AHCYL1: variants seen among roughly 807,000 people sequenced by gnomAD.
The protein encoded by AHCYL1 is adenosylhomocysteinase like 1.
AHCYL1 carries 20 observed loss-of-function variants against 79.3 expected under a neutral mutation model. The ratio of observed to expected loss-of-function variants is 0.25; its 90% confidence interval spans 0.18 to 0.37. The LOEUF is 0.37. AHCYL1 is among the 10% of genes least tolerant of loss of function. The pLI is 1.00. For missense variants in AHCYL1, 330 were observed against 673.6 expected (o/e 0.49, Z 5.65); for synonymous variants, 223 against 242.2 (o/e 0.92, Z 0.74).
At chr1:110,000,151 TC>T (rs1650231242) in intron 1 of AHCYL1, among the ~76,000 whole-genome samples, 2 of 152,224 alleles carry the variant, frequency 1.3e-5, no homozygotes. Flanking sequence ...TGGTAACTTC[TC>T]ATGAAATAAC....
Position 110,012,918 on chromosome 1 carries a change from G to A in AHCYL1, c.499G>A (p.Ala167Thr). Residue 167 changes from alanine to threonine, a missense_variant, in exon 5 of 17, where the codon GCC becomes ACC. Ala to Thr is a moderately conservative substitution (Grantham distance 58). Around this residue, in one of 6 missense-constraint regions of AHCYL1, gnomAD observed 97 missense variants for 176.3 expected, o/e 0.55. Transcript: ENST00000369799. ...QTAVLIETLC[A>T]LGAQCRWSAC... The stretch of plus-strand genomic sequence containing the variant: ...ACAGGTGTTGATTGAGACACTCTGT[G>A]CCCTGGGGGCTCAGTGCCGCTGGTC... 4 of 1,612,476 alleles carry A rather than the reference G, an allele frequency of 2.5e-6. No homozygotes were observed. Among genetic ancestry groups the A allele is most frequent in the Non-Finnish European group, 2.5e-6 (3 of 1,179,686 alleles).
Position 109,984,858 on chromosome 1 carries a change from T to A in AHCYL1, c.-195T>A. On this transcript the variant is annotated 5_prime_UTR_variant, in exon 1 of 17. Transcript: ENST00000369799. ...CTGGTTCTCTTGTGGCCGCCGTCGCTGTCCGGCTGCCTTGGGCTGCCGAAC... is the reference window on the plus strand; with the variant it reads ...CTGGTTCTCTTGTGGCCGCCGTCGCAGTCCGGCTGCCTTGGGCTGCCGAAC... 1 of 852,128 alleles carries A rather than the reference T, an allele frequency of 1.2e-6. No individual in the cohort carries two copies. The highest frequency in any genetic ancestry group is 1.6e-6 in the Non-Finnish European group (1 of 641,044). 52.8% of individuals were successfully genotyped at this position (852,128 alleles called of 1,614,324 possible).
intron 1 of AHCYL1, among the ~76,000 whole-genome samples, chr1:109,998,121 G>A (rs1346575215): frequency 6.6e-6 from 1 of 152,170 alleles, no homozygotes; most frequent in African/African-American, 2.4e-5. Context: ...TAAAGCTGAG[G>A]CTGCCTAAGC....
chr1:110,007,864 G>A (rs990989003), intron 1 of AHCYL1, among the ~76,000 whole-genome samples: 2 of 152,014 alleles, frequency 1.3e-5, no homozygotes, highest in Non-Finnish European at 1.5e-5. Context: ...ACAGGAGTTC[G>A]GGAGGAAGGT....
chr1:110,004,764 G>A (rs988545248), intron 1 of AHCYL1, among the ~76,000 whole-genome samples: 1 of 152,024 alleles, frequency 6.6e-6, no homozygotes, highest in Non-Finnish European at 1.5e-5. Flanking sequence ...GAGAGAGAAC[G>A]TAAGGAAGTA....
At position 110,022,591 on chromosome 1, in the gene AHCYL1, A is replaced by G. The variant is rs148507455; in HGVS notation, c.*911A>G. On this transcript the variant is annotated 3_prime_UTR_variant, in exon 17 of 17. Coordinates refer to ENST00000369799, the MANE Select transcript of AHCYL1 (RefSeq NM_006621.7). The stretch of plus-strand genomic sequence containing the variant: ...AACTGGAGCCACAACAGCAAATTCT[A>G]TCAGCTGTGTACCATACAGCTTGTG... 2.8e-4 allele frequency: 43 copies of G among 152,758 alleles called. No homozygotes were observed. The highest frequency in any genetic ancestry group is 9.4e-4 in the African/African-American group (39 of 41,568). 9.5% of individuals were successfully genotyped at this position (152,758 alleles called of 1,614,324 possible).
rs147132868 is a variant in AHCYL1 at position 109,999,892 on chromosome 1, C to G, written c.121-9142C>G. On this transcript the variant is annotated intron_variant, in intron 1 of 16. Transcript: ENST00000369799. ...AGCCACTGCACCTGGCCAAATATAA[C>G]TCTTTTTCTGTTGGTGGAATTCAGC... is the stretch of plus-strand genomic sequence containing the variant. Among the ~76,000 whole-genome samples the G allele has an allele frequency of 7.1e-3, 1,084 of 152,258 alleles. 10 individuals are homozygous for G. The highest frequency in any genetic ancestry group is 0.016 in the African/African-American group (658 of 41,528).
rs556563536 is a variant in AHCYL1, at chr1:110,003,394, G to A, written c.121-5640G>A. Among the ~76,000 whole-genome samples the A allele has an allele frequency of 1.6e-4, 24 of 152,264 alleles. 1 individual carries two copies. The highest frequency in any genetic ancestry group is 5.5e-4 in the African/African-American group (23 of 41,552). On this transcript the variant is annotated intron_variant, in intron 1 of 16. Coordinates refer to ENST00000369799, the MANE Select transcript of AHCYL1 (RefSeq NM_006621.7). ...ATGGAAAACGGAAAGATTTATTCTA[G>A]GTGGAGAGTACAGGTGTTTATTATA...
intron 1 of AHCYL1, among the ~76,000 whole-genome samples, chr1:109,991,476 C>T (rs150537562): frequency 2.0e-5 from 3 of 152,276 alleles, no homozygotes; most frequent in African/African-American, 7.2e-5. Context: ...AGCCTGTACT[C>T]AGTTGTGTGA....
rs1172357954 is a variant in AHCYL1 at position 109,990,501 on chromosome 1, A to G, written c.120+5329A>G. Among the ~76,000 whole-genome samples the G allele has an allele frequency of 2.0e-5, 3 of 152,246 alleles. No individual in the cohort carries two copies. The East Asian group carries it at 5.8e-4, about 29-fold the overall frequency. ...ATAACTCTCTGGATGATGCAACATG[A>G]TAGTGCAAATGAGAGCCTAATTTTG... On this transcript the variant is annotated intron_variant, in intron 1 of 16. Coordinates refer to ENST00000369799, the MANE Select transcript of AHCYL1 (RefSeq NM_006621.7).
Position 109,985,166 on chromosome 1 carries a change from C to T in AHCYL1, c.114C>T (p.Pro38=). The T allele has an allele frequency of 1.2e-6, 2 of 1,607,840 alleles. No individual in the cohort carries two copies. Among genetic ancestry groups the T allele is most frequent in the South Asian group, 2.2e-5 (2 of 90,232 alleles). ...TCATGGCCACCGTCACCAAGGCGCC[C>T]AAGAAGGTGCGGGGGCTCTGGGTGG... ...YSFMATVTKA[P]KKQIQFADDM... is the part of the protein sequence containing the mutation. Residue 38 remains proline, a synonymous_variant, in exon 1 of 17, where the codon CCC becomes CCT. Coordinates refer to ENST00000369799, the MANE Select transcript of AHCYL1 (RefSeq NM_006621.7).
chr1:110,008,074 G>A (rs1315829422), intron 1 of AHCYL1, among the ~76,000 whole-genome samples: 2 of 135,838 alleles, frequency 1.5e-5, no homozygotes, highest in Admixed American at 1.6e-4. Context: ...CCAGGCTGGA[G>A]TGCAGTGGCA....
intron 1 of AHCYL1, among the ~76,000 whole-genome samples, chr1:110,008,245 C>T (rs1650792474): frequency 6.6e-6 from 1 of 152,054 alleles, no homozygotes; most frequent in Non-Finnish European, 1.5e-5. Context: ...TGGTCTCCAT[C>T]TCCTGACCTC....
chr1:109,988,605 C>A (rs909865514), intron 1 of AHCYL1, among the ~76,000 whole-genome samples: 1 of 152,148 alleles, frequency 6.6e-6, no homozygotes, highest in African/African-American at 2.4e-5. Flanking sequence ...AGAGCTCTTA[C>A]AATAAGCATG....
chr1:109,987,667 C>G (rs1303138177), intron 1 of AHCYL1, among the ~76,000 whole-genome samples: 1 of 152,108 alleles, frequency 6.6e-6, no homozygotes, highest in Non-Finnish European at 1.5e-5. Flanking sequence ...AGTGGATGTC[C>G]ATCAATTAAA....
At chr1:110,005,379 C>G (rs1222028509) in intron 1 of AHCYL1, among the ~76,000 whole-genome samples, 1 of 152,160 alleles carries the variant, frequency 6.6e-6, no homozygotes, top group Non-Finnish European at 1.5e-5. Flanking sequence ...GCTGTGAAGA[C>G]TATAATATCT....
chr1:110,018,072 T>G (rs1257817729), intron 11 of AHCYL1, 56 bp downstream of exon 11: 1 of 1,562,190 alleles, frequency 6.4e-7, no homozygotes, highest in Admixed American at 1.7e-5. Context: ...GAAAGTAGTC[T>G]GAGTGACTTT....
At chr1:110,004,014 CT>C in intron 1 of AHCYL1, 9 of 985,364 alleles carry the variant, frequency 9.1e-6, no homozygotes, top group Non-Finnish European at 1.1e-5. Context: ...GTTTTTCAAG[CT>C]GTGTGTTCCT....
At chr1:110,008,676 A>G (rs1345738170) in intron 1 of AHCYL1, among the ~76,000 whole-genome samples, 2 of 152,250 alleles carry the variant, frequency 1.3e-5, no homozygotes, top group African/African-American at 4.8e-5. Context: ...CTGTTTTCTG[A>G]AAGATTTGGG....
Sources: gnomAD v4.1 joint callset for allele counts (sites outside exome capture counted in the v4.1 genomes callset) on GRCh38, gnomAD v4.1.1 for gene constraint, gnomAD v4.1.1 regional missense constraint, MANE v1.5 for transcripts, NCBI Gene and HGNC (gene_info 2026-07-23, HGNC 2026-07-21) for gene names.